Variants in TNR observed in about 807,000 individuals in gnomAD.
TNR encodes tenascin-R.
Under a neutral mutation model 150.4 loss-of-function variants are expected in TNR, and 45 were observed. The observed-to-expected ratio is 0.30, with a 90% CI of 0.24 to 0.38. The LOEUF is 0.38. Ranked by LOEUF, TNR falls within the 10% of genes least tolerant of loss-of-function variation. The probability of loss-of-function intolerance (pLI) is 1.00; values close to 1 mark genes in which losing one functional copy is unlikely to be tolerated. For synonymous variants in TNR, 687 were observed against 678.4 expected (o/e 1.01, Z -0.20); for missense variants, 1,544 against 1,759.1 (o/e 0.88, Z 2.19).
At chr1:175,581,261 C>T (rs2102228644) in intron 1 of TNR, among the ~76,000 whole-genome samples, 1 of 152,296 alleles carries the variant, frequency 6.6e-6, no homozygotes, top group Non-Finnish European at 1.5e-5. Flanking sequence ...GCAGGGGTTG[C>T]TGGATAGAAT....
chr1:175,571,664 C>G (rs1571622379), intron 1 of TNR, among the ~76,000 whole-genome samples: 2 of 152,204 alleles, frequency 1.3e-5, no homozygotes, highest in Non-Finnish European at 2.9e-5. Context: ...GCATTTTTCA[C>G]TCCATGTCCT....
intron 20 of TNR, among the ~76,000 whole-genome samples, chr1:175,331,011 T>TTCTTTCTTTCTTTCTTTC (rs1318433423): frequency 2.9e-3 from 150 of 51,866 alleles, no homozygotes; most frequent in Middle Eastern, 7.0e-3. Context: ...CTTTCTTTCT[T>TTCTTTCTTTCTTTCTTTC]TCTTTCTTTC....
chr1:175,690,971 T>G (rs926905738), intron 1 of TNR, among the ~76,000 whole-genome samples: 1 of 152,204 alleles, frequency 6.6e-6, no homozygotes, highest in African/African-American at 2.4e-5. Flanking sequence ...CTAATCAACT[T>G]GGTGAGTCAT....
At chr1:175,667,915 C>T (rs938576290) in intron 1 of TNR, among the ~76,000 whole-genome samples, 9 of 152,198 alleles carry the variant, frequency 5.9e-5, no homozygotes, top group African/African-American at 1.4e-4. Context: ...GCCAAAGAGA[C>T]ACAATCTACT....
intron 1 of TNR, among the ~76,000 whole-genome samples, chr1:175,724,668 TAC>T (rs919228285): frequency 2.0e-5 from 3 of 152,232 alleles, no homozygotes; most frequent in African/African-American, 7.2e-5. Flanking sequence ...ATGTTTTATG[TAC>T]ACTTTTATGC....
intron 1 of TNR, among the ~76,000 whole-genome samples, chr1:175,651,500 A>C (rs1056315750): frequency 1.3e-5 from 2 of 152,194 alleles, no homozygotes; most frequent in African/African-American, 2.4e-5. Flanking sequence ...TGTTTTAATA[A>C]ACTGGAAAAA....
Position 175,664,930 on chromosome 1 carries a change from T to G in TNR, c.-165+78296A>C, listed in dbSNP as rs1371686854. Among the ~76,000 whole-genome samples, 4 of 152,220 alleles carry G rather than the reference T, an allele frequency of 2.6e-5. No individual in the cohort carries two copies. The East Asian group carries it at 7.7e-4, about 29-fold the overall frequency. ...CAAAGACAGCATACCTGAGTGAGTT[T>G]GCTTAGTGAAGGTAGAAGAAATTCT... is the stretch of plus-strand genomic sequence containing the variant. On this transcript the variant is annotated intron_variant, in intron 1 of 22. Transcript: ENST00000367674.
At chr1:175,625,564 T>C (rs1664126269) in intron 1 of TNR, among the ~76,000 whole-genome samples, 1 of 152,248 alleles carries the variant, frequency 6.6e-6, no homozygotes, top group Non-Finnish European at 1.5e-5. Context: ...CCACAGTTGC[T>C]GTAGGAAGTA....
At chr1:175,445,540 G>A (rs1049484275) in intron 2 of TNR, among the ~76,000 whole-genome samples, 13 of 152,164 alleles carry the variant, frequency 8.5e-5, no homozygotes, top group Admixed American at 3.9e-4. Context: ...GCAGTCATCT[G>A]TGCTGCAGAA....
intron 19 of TNR, among the ~76,000 whole-genome samples, chr1:175,337,158 T>C (rs959075671): frequency 5.3e-5 from 8 of 152,202 alleles, no homozygotes. Flanking sequence ...CCTCCCAAAG[T>C]GCTGGGATTA....
intron 1 of TNR, among the ~76,000 whole-genome samples, chr1:175,692,085 T>G (rs1257821004): frequency 1.3e-5 from 2 of 152,200 alleles, no homozygotes; most frequent in Admixed American, 1.3e-4. Context: ...CAAAATGCTA[T>G]TACCAGAGGT....
intron 1 of TNR, among the ~76,000 whole-genome samples, chr1:175,664,666 A>G: frequency 6.6e-6 from 1 of 152,242 alleles, no homozygotes; most frequent in East Asian, 1.9e-4. Context: ...GTCCGTTCCA[A>G]TGACCACAGG....
chr1:175,398,668 T>C (rs1011096597), intron 4 of TNR, among the ~76,000 whole-genome samples: 1 of 152,208 alleles, frequency 6.6e-6, no homozygotes, highest in African/African-American at 2.4e-5. Context: ...AAGGTATCAT[T>C]ATTACTACCA....
At chr1:175,625,974 G>A (rs902631529) in intron 1 of TNR, among the ~76,000 whole-genome samples, 1 of 150,994 alleles carries the variant, frequency 6.6e-6, no homozygotes, top group Admixed American at 6.6e-5. Context: ...ACCCGGGGGG[G>A]AGGTAATTGA....
At chr1:175,455,423 T>C (rs1221635654) in intron 2 of TNR, among the ~76,000 whole-genome samples, 1 of 152,256 alleles carries the variant, frequency 6.6e-6, no homozygotes, top group Admixed American at 6.5e-5. Context: ...TAGCTTCTTA[T>C]AGGGCCCCAA....
chr1:175,381,531 T>C (rs866786023), intron 8 of TNR, among the ~76,000 whole-genome samples: 1 of 152,078 alleles, frequency 6.6e-6, no homozygotes, highest in Non-Finnish European at 1.5e-5. Context: ...TCTGGAAAGG[T>C]GGTTGTTAGA....
At chr1:175,558,536 A>C (rs1208670302) in intron 1 of TNR, among the ~76,000 whole-genome samples, 1 of 152,308 alleles carries the variant, frequency 6.6e-6, no homozygotes, top group East Asian at 1.9e-4. Context: ...CTCTAACTCA[A>C]AGTCATATTC....
Position 175,396,901 on chromosome 1 carries a change from C to T in TNR, c.977-94G>A, listed in dbSNP as rs565546508. On this transcript the variant is annotated intron_variant, in intron 4 of 22. Transcript: ENST00000367674. ...CTTCCTCACATCTCACCCCCCATGC[C>T]ATGTCTATATGTCCTGCTGGGCTCA... is the stretch of plus-strand genomic sequence containing the variant. The T allele has an allele frequency of 2.1e-5, 31 of 1,489,242 alleles. No homozygotes were observed. The African/African-American group carries it at 3.9e-4, about 19-fold the overall frequency. The allele number at this position is 1,489,242 out of a possible 1,614,324, so 92.3% of individuals were successfully genotyped here.
intron 1 of TNR, among the ~76,000 whole-genome samples, chr1:175,568,220 C>T (rs755602594): frequency 5.9e-5 from 9 of 152,120 alleles, no homozygotes; most frequent in Non-Finnish European, 1.0e-4. Context: ...TACTATCACC[C>T]TCATATAGTA....
Sources: allele counts gnomAD v4.1 joint callset (sites outside exome capture counted in the v4.1 genomes callset), GRCh38; gene constraint gnomAD v4.1.1; transcripts MANE v1.5; gene names NCBI Gene and HGNC (gene_info 2026-07-23, HGNC 2026-07-21).